The following SPATA33 variants were observed in gnomAD, a reference collection of about 807,000 sequenced individuals.
The protein encoded by SPATA33 is spermatogenesis associated 33.
SPATA33 carries 10 observed loss-of-function variants against 8.9 expected under a neutral mutation model. That is an observed-to-expected ratio of 1.12 (90% confidence interval 0.69 to 1.90). SPATA33 has a LOEUF of 1.90. SPATA33 is among the 40% of genes most tolerant of loss of function. The pLI, the probability that SPATA33 is intolerant of heterozygous loss-of-function variation, is 0.00. For missense variants in SPATA33, 241 were observed against 178.3 expected, an observed-to-expected ratio of 1.35 and a Z score of -2.00; for synonymous variants, 96 against 72.8, an observed-to-expected ratio of 1.32 and a Z score of -1.63.
At position 89,658,023 on chromosome 16, in the gene SPATA33, C is replaced by T. The variant is rs901853186; in HGVS notation, c.37+75C>T. On this transcript the variant is annotated intron_variant, in intron 1 of 2. Transcript: ENST00000579310. Reference sequence around the variant, plus strand: ...GGGCCCAGGGCGGGGCTGGGCTGGGCGGGGCGGTGTGAGCGCAGGCGCCAG... The same window carrying T: ...GGGCCCAGGGCGGGGCTGGGCTGGGTGGGGCGGTGTGAGCGCAGGCGCCAG... 1.2e-5 allele frequency: 18 copies of T among 1,476,604 alleles called. No individual in the cohort carries two copies. In the African/African-American group the frequency reaches 1.3e-4, roughly 11 times the overall value. 91.5% of individuals were successfully genotyped at this position (1,476,604 alleles called of 1,614,324 possible).
At chr16:89,666,067 G>A (rs1203981590) in intron 2 of SPATA33, among the ~76,000 whole-genome samples, 2 of 152,134 alleles carry the variant, frequency 1.3e-5, no homozygotes, top group East Asian at 3.9e-4. Context: ...GGCGACAAGA[G>A]TGAGAATCCA....
chr16:89,669,810 C>T lies in SPATA33; in HGVS notation c.*313C>T. 4 of 399,686 alleles carry T rather than the reference C, an allele frequency of 1.0e-5. No individual in the cohort carries two copies. The South Asian group carries it at 1.1e-4, about 11-fold the overall frequency. The allele number at this position is 399,686 out of a possible 1,614,324, so 24.8% of individuals were successfully genotyped here. ...TCTCGGGGAGGGTGCACCAGGCCCACCCCACCCTGTGAGAACCTGCAGCCC... is the reference window on the plus strand; with the variant it reads ...TCTCGGGGAGGGTGCACCAGGCCCATCCCACCCTGTGAGAACCTGCAGCCC... On this transcript the variant is annotated 3_prime_UTR_variant, in exon 3 of 3. Transcript: ENST00000579310.
At chr16:89,667,194 G>A (rs560287963) in intron 2 of SPATA33, among the ~76,000 whole-genome samples, 42 of 152,286 alleles carry the variant, frequency 2.8e-4, no homozygotes, top group South Asian at 1.0e-3. Context: ...CCTACCAGAC[G>A]CTGGCGTTAC....
Position 89,658,402 on chromosome 16 carries a change from G to A in SPATA33, c.192G>A (p.Pro64=), listed in dbSNP as rs1184611768. 4 of 1,610,432 alleles carry A rather than the reference G, an allele frequency of 2.5e-6. No individual in the cohort carries two copies. The highest frequency in any genetic ancestry group is 2.7e-5 in the African/African-American group (2 of 75,000). ...HPGAGTAKHP[P]PAASLEEKPD... ...GGGCCGGGACAGCCAAGCACCCGCC[G>A]CCGGCAGCTTCGCTGGAAGGTAGGA... Residue 64 remains proline, a synonymous_variant, in exon 2 of 3, where the codon CCG becomes CCA. Transcript: ENST00000579310.
intron 2 of SPATA33, among the ~76,000 whole-genome samples, chr16:89,668,520 TC>T (rs1458253748): frequency 6.6e-6 from 1 of 152,002 alleles, no homozygotes; most frequent in Admixed American, 6.6e-5. Context: ...CATCCTGCTC[TC>T]CCAGAAGCCT....
chr16:89,660,753 A>T (rs1376350636), intron 2 of SPATA33: 1 of 827,508 alleles, frequency 1.2e-6, no homozygotes, highest in Admixed American at 4.3e-5. Flanking sequence ...AGCTGAGCAC[A>T]AGAGGACTTT....
intron 2 of SPATA33, among the ~76,000 whole-genome samples, chr16:89,666,124 T>A (rs1288686781): frequency 1.3e-5 from 2 of 151,932 alleles, no homozygotes; most frequent in Non-Finnish European, 2.9e-5. Flanking sequence ...AGGAAACATC[T>A]GGAAAACCAG....
At position 89,658,389 on chromosome 16, in the gene SPATA33, C is replaced by A. The variant is rs773517248; in HGVS notation, c.179C>A (p.Ala60Asp). The A allele has an allele frequency of 1.5e-5, 24 of 1,611,996 alleles. No individual in the cohort carries two copies. The highest frequency in any genetic ancestry group is 2.0e-5 in the Non-Finnish European group (24 of 1,179,494). ...AGCCTCCACCCGGGGGCCGGGACAG[C>A]CAAGCACCCGCCGCCGGCAGCTTCG... Reference protein sequence around the residue: ...VDSLHPGAGTAKHPPPAASLE... With the variant: ...VDSLHPGAGTDKHPPPAASLE... Residue 60 changes from alanine (A) to aspartate (D), a missense_variant, in exon 2 of 3, where the codon GCC (alanine) becomes GAC (aspartate). Transcript: ENST00000579310.
intron 2 of SPATA33, among the ~76,000 whole-genome samples, chr16:89,667,526 A>G (rs1348927511): frequency 2.6e-5 from 4 of 152,044 alleles, no homozygotes; most frequent in African/African-American, 9.7e-5. Flanking sequence ...TGCCGCCCAC[A>G]GTGGTGCGTG....
intron 2 of SPATA33, among the ~76,000 whole-genome samples, chr16:89,664,094 C>T (rs1027124653): frequency 2.0e-5 from 3 of 152,068 alleles, no homozygotes; most frequent in East Asian, 1.9e-4. Context: ...CCTCCAGCCC[C>T]GGCGACAGAG....
intron 2 of SPATA33, chr16:89,660,644 A>G: frequency 1.0e-6 from 1 of 978,350 alleles, no homozygotes; most frequent in Non-Finnish European, 1.3e-6. Flanking sequence ...AGGAAAGACC[A>G]CTCATGTTGC....
At chr16:89,657,816 C>G (rs1313538545), upstream of SPATA33, 10 of 1,505,954 alleles carry the variant, frequency 6.6e-6, no homozygotes, top group East Asian at 2.7e-5. Context: ...TGACGCACGC[C>G]GCTGGCGCGA....
intron 2 of SPATA33, 130 bp from the exon 3 acceptor site, chr16:89,669,156 T>G (rs928040999): frequency 1.1e-5 from 9 of 798,310 alleles, no homozygotes; most frequent in African/African-American, 1.0e-4. Context: ...TTGATCACTT[T>G]TGGACTCACC....
intron 2 of SPATA33, among the ~76,000 whole-genome samples, chr16:89,664,896 G>T (rs1242369129): frequency 6.6e-6 from 1 of 152,232 alleles, no homozygotes; most frequent in East Asian, 1.9e-4. Context: ...AATGCAGTAA[G>T]ATGATAAGTG....
At chr16:89,663,567 C>G (rs2059989756) in intron 2 of SPATA33, among the ~76,000 whole-genome samples, 1 of 152,132 alleles carries the variant, frequency 6.6e-6, no homozygotes, top group East Asian at 1.9e-4. Context: ...CTGTAACATT[C>G]TCTGAATGAC....
chr16:89,662,608 G>T (rs1426269841), intron 2 of SPATA33, among the ~76,000 whole-genome samples: 10 of 151,962 alleles, frequency 6.6e-5, no homozygotes, highest in Non-Finnish European at 2.9e-5. Flanking sequence ...TGTATTTTTA[G>T]TAGAGATGAG....
intron 2 of SPATA33, chr16:89,661,548 G>C (rs1401618788): frequency 1.3e-5 from 2 of 152,112 alleles, no homozygotes; most frequent in African/African-American, 4.8e-5. Flanking sequence ...CATGAAAACG[G>C]ACTAATACAG....
At chr16:89,658,085 C>A in intron 1 of SPATA33, 137 bp downstream of exon 1, 2 of 1,481,306 alleles carry the variant, frequency 1.4e-6, no homozygotes, top group Non-Finnish European at 1.8e-6. Flanking sequence ...CCGCCGAGTC[C>A]GCCACGGACG....
At position 89,669,385 on chromosome 16, in the gene SPATA33, C is replaced by A. The variant is rs1481504683; in HGVS notation, c.311C>A (p.Ser104Tyr). The change falls in exon 3 of 3, where the codon TCC becomes TAC. Residue 104 changes from serine (S) to tyrosine (Y), a missense_variant. Transcript: ENST00000579310. ...AATGAGACGCTAGTCAGTTGCAGTT[C>A]CAGCGGGAGTGACCAGCAGAGAACC... ...ASNETLVSCS[S>Y]SGSDQQRTIR... 4 of 1,614,196 alleles carry A rather than the reference C, an allele frequency of 2.5e-6. No individual in the cohort carries two copies. Among genetic ancestry groups the A allele is most frequent in the Admixed American group, 3.3e-5 (2 of 60,034 alleles).
Sources: gnomAD v4.1 joint callset for allele counts (sites outside exome capture counted in the v4.1 genomes callset) on GRCh38, gnomAD v4.1.1 for gene constraint, MANE v1.5 for transcripts, NCBI Gene and HGNC (gene_info 2026-07-23, HGNC 2026-07-21) for gene names.